The following PBX1 variants were observed in gnomAD, a reference collection of about 807,000 sequenced individuals.
The protein encoded by PBX1 is PBX homeobox 1.
Under a neutral mutation model 53.4 loss-of-function variants are expected in PBX1, and 6 were observed. That is an observed-to-expected ratio of 0.11 (90% CI 0.06 to 0.22). The LOEUF is 0.22. PBX1 is among the 10% of genes least tolerant of loss of function. The pLI, the probability that PBX1 is intolerant of heterozygous loss-of-function variation, is 1.00. For synonymous variants in PBX1, 204 were observed against 212.3 expected, an observed-to-expected ratio of 0.96 and a Z score of 0.34; for missense variants, 251 against 551.4, an observed-to-expected ratio of 0.46 and a Z score of 5.46.
intron 2 of PBX1, among the ~76,000 whole-genome samples, chr1:164,732,944 A>G (rs774032183): frequency 6.6e-6 from 1 of 152,062 alleles, no homozygotes; most frequent in Admixed American, 6.5e-5. Flanking sequence ...TCTTTGACTG[A>G]TATTTTTTTC....
chr1:164,797,569 A>C (rs1668849368), intron 3 of PBX1, among the ~76,000 whole-genome samples: 1 of 152,014 alleles, frequency 6.6e-6, no homozygotes, highest in South Asian at 2.1e-4. Flanking sequence ...TGCTATAAGG[A>C]CCCGATCTTC....
At chr1:164,780,753 CT>C (rs1443378894) in intron 2 of PBX1, among the ~76,000 whole-genome samples, 4 of 152,176 alleles carry the variant, frequency 2.6e-5, no homozygotes, top group African/African-American at 9.7e-5. Flanking sequence ...TATCCAGAGA[CT>C]GGTCTAGTGA....
At chr1:164,809,174 AG>A in intron 5 of PBX1, among the ~76,000 whole-genome samples, 1 of 152,182 alleles carries the variant, frequency 6.6e-6, no homozygotes, top group South Asian at 2.1e-4. Flanking sequence ...CTGAATTCCA[AG>A]TGTGGAATTC....
At chr1:164,636,974 T>C (rs1029836040) in intron 2 of PBX1, among the ~76,000 whole-genome samples, 2 of 152,182 alleles carry the variant, frequency 1.3e-5, no homozygotes, top group Admixed American at 1.3e-4. Context: ...TGGGGCTTAG[T>C]ATAACTTTGC....
rs189669282 is a variant in PBX1 at position 164,862,742 on chromosome 1, G to A, written n.257+31259G>A. On this transcript the variant is annotated intron_variant and non_coding_transcript_variant, in intron 2 of 2. Coordinates refer to the PBX1 transcript ENST00000558796. ...CCCCTTGGCTACTTCCCCAGCACTC[G>A]GTCCAGCCAACACCATTGCCAATAG... 1.7e-3 allele frequency among the ~76,000 whole-genome samples: 263 copies of A among 152,256 alleles called. 1 individual carries two copies. Among genetic ancestry groups the A allele is most frequent in the African/African-American group, 6.1e-3 (253 of 41,562 alleles).
At chr1:164,627,697 G>T (rs1039705701) in intron 2 of PBX1, among the ~76,000 whole-genome samples, 2 of 152,186 alleles carry the variant, frequency 1.3e-5, no homozygotes, top group African/African-American at 2.4e-5. Flanking sequence ...GGCTTTTGTT[G>T]GGGGACAAGC....
In PBX1 at chr1:164,563,329, ACATTTTAG is replaced by A. The variant is rs1557862111; in HGVS notation, c.265+25_265+32del. The A allele has an allele frequency of 2.6e-6, 4 of 1,545,900 alleles. No homozygotes were observed. The highest frequency in any genetic ancestry group is 1.4e-5 in the African/African-American group (1 of 73,602). On this transcript the variant is annotated intron_variant, in intron 2 of 8. Coordinates refer to ENST00000420696, the MANE Select transcript of PBX1 (RefSeq NM_002585.4). ...AAAAACAGGTAGGAATGAGATTCCA[ACATTTTAG>A]CATTTTCTTTGGCCAATTAAATCAC...
chr1:164,704,670 G>A (rs1663327485), intron 2 of PBX1, among the ~76,000 whole-genome samples: 1 of 152,126 alleles, frequency 6.6e-6, no homozygotes, highest in South Asian at 2.1e-4. Flanking sequence ...TGTACCAGAT[G>A]TGTTTATTTT....
At chr1:164,867,057 G>GATTAGAAAATTT (rs1672235667) in intron 2 of PBX1, among the ~76,000 whole-genome samples, 1 of 152,226 alleles carries the variant, frequency 6.6e-6, no homozygotes, top group African/African-American at 2.4e-5. Flanking sequence ...CCACAGTGGA[G>GATTAGAAAATTT]ATTAGAAAAT....
At chr1:164,767,390 A>G (rs1667113429) in intron 2 of PBX1, among the ~76,000 whole-genome samples, 1 of 152,192 alleles carries the variant, frequency 6.6e-6, no homozygotes, top group African/African-American at 2.4e-5. Flanking sequence ...GGTTTAGAAT[A>G]CAAGGAATAC....
At chr1:164,842,548 T>G (rs1041229212) in intron 8 of PBX1, among the ~76,000 whole-genome samples, 1 of 152,212 alleles carries the variant, frequency 6.6e-6, no homozygotes, top group Non-Finnish European at 1.5e-5. Flanking sequence ...TTTTATATTC[T>G]ATGAGCTTCT....
intron 8 of PBX1, 107 bp from the exon 9 acceptor site, chr1:164,846,477 C>T (rs545795242): frequency 6.8e-5 from 61 of 896,986 alleles, no homozygotes; most frequent in Admixed American, 1.8e-4. Flanking sequence ...TCTCCATGTG[C>T]CAGGCACTAT....
intron 2 of PBX1, among the ~76,000 whole-genome samples, chr1:164,791,498 A>C (rs182417709): frequency 1.1e-4 from 16 of 152,300 alleles, no homozygotes; most frequent in Non-Finnish European, 1.6e-4. Flanking sequence ...TCAAGGGCCA[A>C]TTTGTCTTCT....
intron 8 of PBX1, among the ~76,000 whole-genome samples, chr1:164,825,213 A>T (rs908701996): frequency 6.6e-6 from 1 of 151,954 alleles, no homozygotes; most frequent in Admixed American, 6.6e-5. Flanking sequence ...TCACCTCTCC[A>T]TCCCACCCCA....
intron 6 of PBX1, chr1:164,815,264 A>C (rs1007851725): frequency 6.6e-6 from 1 of 152,240 alleles, no homozygotes; most frequent in Non-Finnish European, 1.5e-5. Flanking sequence ...TGACTTGTGC[A>C]TTACAGATGT....
At chr1:164,865,770 A>G (rs1487400153) in intron 2 of PBX1, among the ~76,000 whole-genome samples, 2 of 152,174 alleles carry the variant, frequency 1.3e-5, no homozygotes, top group Non-Finnish European at 2.9e-5. Context: ...CCTGCTCTAC[A>G]TATCTATTGT....
chr1:164,797,243 G>A (rs938750987), intron 3 of PBX1, among the ~76,000 whole-genome samples: 1 of 152,172 alleles, frequency 6.6e-6, no homozygotes, highest in Non-Finnish European at 1.5e-5. Flanking sequence ...TGAGCACTGT[G>A]GCTTCCCAGC....
At chr1:164,834,203 G>C (rs1377797949) in intron 8 of PBX1, among the ~76,000 whole-genome samples, 4 of 151,716 alleles carry the variant, frequency 2.6e-5, no homozygotes, top group African/African-American at 9.7e-5. Flanking sequence ...TTTAGTAGAT[G>C]TTTTCTTGAG....
At chr1:164,685,197 T>C (rs1662029866) in intron 2 of PBX1, among the ~76,000 whole-genome samples, 1 of 152,226 alleles carries the variant, frequency 6.6e-6, no homozygotes, top group South Asian at 2.1e-4. Context: ...CACTGGCAGA[T>C]TCCACCAGTG....
Sources: allele counts gnomAD v4.1 joint callset (sites outside exome capture counted in the v4.1 genomes callset), GRCh38; gene constraint gnomAD v4.1.1; transcripts MANE v1.5; gene names NCBI Gene and HGNC (gene_info 2026-07-23, HGNC 2026-07-21).